Variants in KIF13B observed in about 807,000 individuals in gnomAD.
KIF13B encodes the protein kinesin family member 13B.
Under a neutral mutation model 222.0 loss-of-function variants are expected in KIF13B, and 127 were observed. That is an observed-to-expected ratio of 0.57 (90% CI 0.50 to 0.66). The LOEUF (loss-of-function observed/expected upper bound fraction) is 0.66, where lower values mean the gene tolerates loss of function less well. KIF13B is among the 30% of genes least tolerant of loss of function. KIF13B has a pLI of 0.00. For missense variants in KIF13B, 2,173 were observed against 2,379.0 expected, an observed-to-expected ratio of 0.91 and a Z score of 1.80; for synonymous variants, 976 against 919.0, an observed-to-expected ratio of 1.06 and a Z score of -1.12.
At chr8:29,072,909 TA>T (rs1807368299) in intron 38 of KIF13B, among the ~76,000 whole-genome samples, 3 of 151,884 alleles carry the variant, frequency 2.0e-5, no homozygotes, top group Admixed American at 2.0e-4. Flanking sequence ...ACTGAGTCAC[TA>T]AAGAGACCAG....
intron 2 of KIF13B, among the ~76,000 whole-genome samples, chr8:29,230,747 A>T (rs1815250169): frequency 6.6e-6 from 1 of 152,250 alleles, no homozygotes; most frequent in Non-Finnish European, 1.5e-5. Flanking sequence ...AGAAGACCTG[A>T]ATCAGCACCT....
chr8:29,184,824 T>A (rs867957109), intron 6 of KIF13B, among the ~76,000 whole-genome samples: 1 of 152,054 alleles, frequency 6.6e-6, no homozygotes, highest in Non-Finnish European at 1.5e-5. Flanking sequence ...AAAGTGATGA[T>A]CTTTGCGAGG....
intron 21 of KIF13B, 76 bp from the exon 22 acceptor site, chr8:29,134,286 C>G (rs188756627): frequency 7.1e-7 from 1 of 1,410,700 alleles, no homozygotes; most frequent in Admixed American, 1.9e-5. Flanking sequence ...GTTCCAGCCC[C>G]GGCTCTGTCA....
intron 8 of KIF13B, among the ~76,000 whole-genome samples, chr8:29,179,087 G>A (rs1413473797): frequency 6.6e-6 from 1 of 151,778 alleles, no homozygotes; most frequent in African/African-American, 2.4e-5. Context: ...GTGTTTCACA[G>A]AAGGCAACAC....
chr8:29,106,250 G>C (rs1278623558), intron 35 of KIF13B, among the ~76,000 whole-genome samples: 1 of 152,176 alleles, frequency 6.6e-6, no homozygotes, highest in African/African-American at 2.4e-5. Flanking sequence ...CAGGGCTCCA[G>C]TGAACGGATA....
intron 3 of KIF13B, 130 bp downstream of exon 3, chr8:29,196,057 G>T: frequency 2.5e-6 from 2 of 811,762 alleles, no homozygotes; most frequent in Non-Finnish European, 2.0e-6. Context: ...TTTGTGAGTA[G>T]GCTGACAGCT....
intron 22 of KIF13B, among the ~76,000 whole-genome samples, chr8:29,133,073 G>C (rs550628778): frequency 3.3e-5 from 5 of 152,262 alleles, no homozygotes; most frequent in Non-Finnish European, 7.3e-5. Flanking sequence ...CTTTAATGTA[G>C]TGAAGTATTT....
Position 29,071,787 on chromosome 8 carries a change from C to T in KIF13B, c.5051G>A (p.Gly1684Glu), listed in dbSNP as rs1189467589. ...CTCGGAATCAGAGGCCAGGGCCTGT[C>T]CCCCGGCGCCCGGGGCCGGCGCATT... Reference protein sequence around the residue: ...EGNAPAPGAGGQALASDSEEA... With the variant: ...EGNAPAPGAGEQALASDSEEA... The change falls in exon 39 of 40, where the codon GGA becomes GAA. Residue 1684 changes from glycine (G) to glutamate (E), a missense_variant. Gly to Glu is a moderately conservative substitution (Grantham distance 98). Coordinates refer to ENST00000524189, the MANE Select transcript of KIF13B (RefSeq NM_015254.4). This position sits in a 1 kb window ranked among gnomAD's most constrained non-coding sequence, Gnocchi z 4.9. 4 of 1,547,466 alleles carry T rather than the reference C, an allele frequency of 2.6e-6. No individual in the cohort carries two copies. Among genetic ancestry groups the T allele is most frequent in the Non-Finnish European group, 3.5e-6 (4 of 1,146,346 alleles).
At chr8:29,203,888 G>A (rs549825634) in intron 2 of KIF13B, among the ~76,000 whole-genome samples, 81 of 64,010 alleles carry the variant, frequency 1.3e-3, no homozygotes, top group African/African-American at 4.8e-3. Context: ...AGGGAGTTCC[G>A]TCTCAAAAAA....
At position 29,092,734 on chromosome 8, in the gene KIF13B, G is replaced by C. The variant is rs1297033254; in HGVS notation, c.4458+11C>G. On this transcript the variant is annotated intron_variant, in intron 37 of 39. Coordinates refer to ENST00000524189, the MANE Select transcript of KIF13B (RefSeq NM_015254.4). ...AAAAACGTTCACAGCTGTTTTCTCG[G>C]TGCTTTTTACCTGGTGTGCGAGGGG... The C allele has an allele frequency of 6.2e-7, 1 of 1,603,738 alleles. No individual in the cohort carries two copies. Among genetic ancestry groups the C allele is most frequent in the African/African-American group, 1.4e-5 (1 of 74,002 alleles).
chr8:29,181,840 T>A (rs1326784802), intron 7 of KIF13B, 79 bp downstream of exon 7: 2 of 942,136 alleles, frequency 2.1e-6, no homozygotes, highest in Middle Eastern at 2.2e-4. Context: ...TTTTTAAAAA[T>A]AACAAATTAA....
chr8:29,202,329 T>C (rs1813731360), intron 2 of KIF13B, among the ~76,000 whole-genome samples: 1 of 152,180 alleles, frequency 6.6e-6, no homozygotes, highest in Admixed American at 6.5e-5. Flanking sequence ...TATTTTATTG[T>C]TGTTTTGAGA....
At position 29,148,643 on chromosome 8, in the gene KIF13B, T is replaced by C. The variant is rs1040905926; in HGVS notation, c.1747A>G (p.Ser583Gly). The C allele has an allele frequency of 5.0e-6, 8 of 1,613,150 alleles. No homozygotes were observed. Among genetic ancestry groups the C allele is most frequent in the African/African-American group, 1.3e-5 (1 of 74,928 alleles). The change falls in exon 16 of 40, where the codon AGT becomes GGT. Residue 583 changes from serine (S) to glycine (G), a missense_variant. Coordinates refer to ENST00000524189, the MANE Select transcript of KIF13B (RefSeq NM_015254.4). ...VDGDSSSEVSSEVNFNYEYAQ... is the reference protein window; with the variant it reads ...VDGDSSSEVSGEVNFNYEYAQ... ...TATTCGTAATTAAAGTTAACTTCAC[T>C]GGACACCTCGCTGGAGGAGTCTCCG...
At chr8:29,165,375 G>A (rs534739854) in intron 12 of KIF13B, among the ~76,000 whole-genome samples, 3 of 152,128 alleles carry the variant, frequency 2.0e-5, no homozygotes, top group South Asian at 2.1e-4. Context: ...AATAGAATGC[G>A]GTGTTAAGAG....
chr8:29,132,232 T>G, intron 23 of KIF13B, 76 bp downstream of exon 23: 1 of 1,138,570 alleles, frequency 8.8e-7, no homozygotes, highest in Non-Finnish European at 1.2e-6. Flanking sequence ...GGTGACAGAG[T>G]GAATGAGACT....
chr8:29,199,494 C>T (rs1490270555), intron 2 of KIF13B, among the ~76,000 whole-genome samples: 1 of 145,284 alleles, frequency 6.9e-6, no homozygotes, highest in Non-Finnish European at 1.5e-5. Context: ...AAATCTGAAA[C>T]ATTTTGAGCG....
At chr8:29,232,384 C>G (rs1024428205) in intron 2 of KIF13B, among the ~76,000 whole-genome samples, 1 of 149,290 alleles carries the variant, frequency 6.7e-6, no homozygotes, top group African/African-American at 2.4e-5. Context: ...CCAGCCTGGG[C>G]AACCACAGCA....
rs1197090261 is a variant in KIF13B, at chr8:29,155,828, G to A, written c.1433C>T (p.Ser478Phe). ...KEHTLIGSAN[S>F]QDIQLCGMGI... ...CATGCCGCACAGTTGGATATCTTGGGAATTTGCTGACCCTATCAATGTATG... is the reference window on the plus strand; with the variant it reads ...CATGCCGCACAGTTGGATATCTTGGAAATTTGCTGACCCTATCAATGTATG... The change falls in exon 14 of 40, where the codon TCC (serine) becomes TTC (phenylalanine). Residue 478 changes from serine to phenylalanine, a missense_variant. This residue lies in a region of KIF13B where 1,480 missense variants were observed against 1,722.8 expected (regional missense o/e 0.86). Transcript: ENST00000524189. 3.2e-6 allele frequency: 5 copies of A among 1,583,480 alleles called. No homozygotes were observed. Among genetic ancestry groups the A allele is most frequent in the Non-Finnish European group, 4.3e-6 (5 of 1,163,000 alleles).
intron 31 of KIF13B, among the ~76,000 whole-genome samples, chr8:29,115,417 C>G (rs1184956132): frequency 6.6e-6 from 1 of 151,578 alleles, no homozygotes; most frequent in African/African-American, 2.4e-5. Flanking sequence ...ACCTCCGCCT[C>G]CCGGGTTTAA....
Sources: gnomAD v4.1 joint callset for allele counts (sites outside exome capture counted in the v4.1 genomes callset) on GRCh38, gnomAD v4.1.1 for gene constraint, gnomAD v4.1.1 regional missense constraint, Gnocchi (gnomAD v3.1) non-coding constraint, MANE v1.5 for transcripts, NCBI Gene and HGNC (gene_info 2026-07-23, HGNC 2026-07-21) for gene names.